The following DNAJC6 variants were observed in gnomAD, a reference collection of about 807,000 sequenced individuals.
DNAJC6 encodes auxilin.
A neutral mutation model predicts 110.0 loss-of-function variants in DNAJC6; 34 were observed. The observed-to-expected ratio is 0.31, with a 90% CI of 0.24 to 0.41. The LOEUF (loss-of-function observed/expected upper bound fraction) is 0.41. Among genes scored for constraint, DNAJC6 ranks in the 10% least tolerant of loss-of-function variants. DNAJC6 has a pLI of 1.00. For missense variants in DNAJC6, 1,031 were observed against 1,207.8 expected, an observed-to-expected ratio of 0.85 and a Z score of 2.17; for synonymous variants, 406 against 437.2, an observed-to-expected ratio of 0.93 and a Z score of 0.89.
At chr1:65,352,691 C>G (rs940702418) in intron 1 of DNAJC6, among the ~76,000 whole-genome samples, 1 of 152,142 alleles carries the variant, frequency 6.6e-6, no homozygotes, top group Non-Finnish European at 1.5e-5. Context: ...CATCCACAAC[C>G]ACTGCTACTT....
chr1:65,390,215 G>C (rs1164750269), intron 11 of DNAJC6, among the ~76,000 whole-genome samples: 1 of 152,062 alleles, frequency 6.6e-6, no homozygotes, highest in African/African-American at 2.4e-5. Flanking sequence ...ATTTGTTTAT[G>C]ATCTCCCTTT....
chr1:65,386,662 C>T (rs1645875763), intron 7 of DNAJC6, 150 bp from the exon 8 acceptor site: 2 of 646,156 alleles, frequency 3.1e-6, no homozygotes. Context: ...TGGCTGCACT[C>T]CTGTTTTTGC....
At chr1:65,286,220 T>C (rs1004405465) in intron 1 of DNAJC6, among the ~76,000 whole-genome samples, 4 of 152,184 alleles carry the variant, frequency 2.6e-5, no homozygotes, top group Admixed American at 1.3e-4. Flanking sequence ...AATAGCAGAA[T>C]TCTAAGTTAT....
intron 1 of DNAJC6, among the ~76,000 whole-genome samples, chr1:65,327,022 A>G (rs1645247658): frequency 6.6e-6 from 1 of 152,230 alleles, no homozygotes; most frequent in Admixed American, 6.5e-5. Flanking sequence ...CCAGCAGTAG[A>G]AAGAAGGGTC....
chr1:65,278,008 A>T (rs182361469), intron 1 of DNAJC6, among the ~76,000 whole-genome samples: 160 of 152,346 alleles, frequency 1.1e-3, no homozygotes, highest in Middle Eastern at 3.4e-3. Flanking sequence ...AGGGAAAAGG[A>T]GGAAACAGAA....
At chr1:65,365,790 C>T (rs1251023585) in intron 2 of DNAJC6, 95 bp from the exon 3 acceptor site, 7 of 1,345,578 alleles carry the variant, frequency 5.2e-6, no homozygotes, top group South Asian at 2.6e-5. Context: ...CCCTGGACAG[C>T]GGTGTCCCAG....
chr1:65,389,273 G>A lies in DNAJC6; in HGVS notation c.1211G>A (p.Cys404Tyr). ...LKFTKPELDACDVPEKYPQLF... is the reference protein window; with the variant it reads ...LKFTKPELDAYDVPEKYPQLF... ...CTATTTAGGCCTGAGTTAGATGCAT[G>A]TGATGTACCAGAAAAATATCCTCAG... The change falls in exon 10 of 19, where the codon TGT becomes TAT. Residue 404 changes from cysteine to tyrosine, a missense_variant. Transcript: ENST00000371069. The A allele has an allele frequency of 6.2e-7, 1 of 1,613,994 alleles. No homozygotes were observed. Among genetic ancestry groups the A allele is most frequent in the Admixed American group, 1.7e-5 (1 of 60,022 alleles).
In DNAJC6 at chr1:65,413,107, C is replaced by A; in HGVS notation, c.*82C>A. On this transcript the variant is annotated 3_prime_UTR_variant, in exon 19 of 19. Coordinates refer to ENST00000371069, the MANE Select transcript of DNAJC6 (RefSeq NM_001256864.2). Reference sequence around the variant, plus strand: ...AATTCTGAGGTTTTCGCAGATGAACCAAAAACTCCAGTAACATGTTTTCAG... The same window carrying A: ...AATTCTGAGGTTTTCGCAGATGAACAAAAAACTCCAGTAACATGTTTTCAG... 3 of 1,155,738 alleles carry A rather than the reference C, an allele frequency of 2.6e-6. No individual in the cohort carries two copies. The highest frequency in any genetic ancestry group is 1.3e-5 in the South Asian group (1 of 74,598). The allele number at this position is 1,155,738 out of a possible 1,614,324, so 71.6% of individuals were successfully genotyped here.
At chr1:65,309,527 C>T (rs914674350), upstream of DNAJC6, 875 of 1,220,598 alleles carry the variant, frequency 7.2e-4, 4 homozygotes, top group Admixed American at 1.4e-3. Flanking sequence ...CCCTCCCTCC[C>T]TCCTCCCGGC....
At chr1:65,282,687 C>T (rs1653891251) in intron 1 of DNAJC6, among the ~76,000 whole-genome samples, 1 of 152,198 alleles carries the variant, frequency 6.6e-6, no homozygotes, top group South Asian at 2.1e-4. Context: ...AAATCCTTTC[C>T]TCTTATGTGT....
intron 1 of DNAJC6, among the ~76,000 whole-genome samples, chr1:65,312,162 G>A (rs1251644541): frequency 2.0e-5 from 3 of 152,142 alleles, no homozygotes; most frequent in Non-Finnish European, 4.4e-5. Context: ...TGATCAAAGT[G>A]GTGTTGTGTG....
At chr1:65,384,734 G>T (rs567067830) in intron 6 of DNAJC6, among the ~76,000 whole-genome samples, 24 of 152,116 alleles carry the variant, frequency 1.6e-4, no homozygotes, top group Non-Finnish European at 8.8e-5. Flanking sequence ...CCCACAACAC[G>T]TTGGGGATTA....
chr1:65,307,006 C>CTATATATA (rs1164753556), upstream of DNAJC6, among the ~76,000 whole-genome samples: 1 of 98,810 alleles, frequency 1.0e-5, no homozygotes, highest in African/African-American at 4.5e-5. Context: ...CTCTCTCTCT[C>CTATATATA]TCTCTCTCTC....
chr1:65,294,866 A>G (rs1372066839), intron 1 of DNAJC6, among the ~76,000 whole-genome samples: 1 of 152,216 alleles, frequency 6.6e-6, no homozygotes, highest in Non-Finnish European at 1.5e-5. Context: ...AGAGTACAGC[A>G]TAAATGTTAG....
intron 5 of DNAJC6, 167 bp downstream of exon 5, chr1:65,379,691 T>G (rs1379578013): frequency 2.9e-6 from 3 of 1,051,590 alleles, no homozygotes; most frequent in Non-Finnish European, 4.1e-6. Context: ...GATTTATTAT[T>G]CTTGACTTAA....
chr1:65,305,440 C>T (rs185325098), upstream of DNAJC6, among the ~76,000 whole-genome samples: 38 of 152,320 alleles, frequency 2.5e-4, no homozygotes, highest in Non-Finnish European at 4.0e-4. Flanking sequence ...TATCTTACTG[C>T]GTTCCAAACT....
chr1:65,364,505 T>G (rs1281588212), intron 1 of DNAJC6, 130 bp from the exon 2 acceptor site: 10 of 1,118,986 alleles, frequency 8.9e-6, no homozygotes, highest in Middle Eastern at 6.2e-4. Context: ...TGGGACACAA[T>G]TTCCAGGAAT....
chr1:65,281,869 A>C (rs922084546), intron 1 of DNAJC6, among the ~76,000 whole-genome samples: 1 of 152,008 alleles, frequency 6.6e-6, no homozygotes, highest in Non-Finnish European at 1.5e-5. Context: ...CGGCCTCCCA[A>C]AGTTCTGGGA....
At chr1:65,364,882 T>C (rs1645631622) in intron 2 of DNAJC6, 97 bp downstream of exon 2, 2 of 1,475,810 alleles carry the variant, frequency 1.4e-6, no homozygotes, top group Non-Finnish European at 1.8e-6. Context: ...AGTGTCAATT[T>C]TGGGATATAA....
Sources: allele counts gnomAD v4.1 joint callset (sites outside exome capture counted in the v4.1 genomes callset), GRCh38; gene constraint gnomAD v4.1.1; transcripts MANE v1.5; gene names NCBI Gene and HGNC (gene_info 2026-07-23, HGNC 2026-07-21).